SAV1: variants seen among roughly 807,000 people sequenced by gnomAD.
SAV1 encodes protein salvador homolog 1.
SAV1 carries 23 observed loss-of-function variants against 47.3 expected under a neutral mutation model. That is an observed-to-expected ratio of 0.49 (90% CI 0.35 to 0.69). SAV1 has a LOEUF of 0.69. Among genes scored for constraint, SAV1 ranks in the 30% least tolerant of loss-of-function variants. SAV1 has a pLI of 0.01. For missense variants in SAV1, 448 were observed against 457.4 expected, an observed-to-expected ratio of 0.98 and a Z score of 0.19; for synonymous variants, 155 against 159.2, an observed-to-expected ratio of 0.97 and a Z score of 0.20.
At chr14:50,651,397 G>A (rs147744404) in intron 2 of SAV1, among the ~76,000 whole-genome samples, 2 of 152,220 alleles carry the variant, frequency 1.3e-5, no homozygotes, top group African/African-American at 4.8e-5. Flanking sequence ...GAAATGGGGT[G>A]GAAGAGGACA....
chr14:50,661,342 A>G (rs2039858408), intron 2 of SAV1, among the ~76,000 whole-genome samples: 2 of 152,030 alleles, frequency 1.3e-5, no homozygotes, highest in South Asian at 4.1e-4. Flanking sequence ...CATATTCTGG[A>G]TATTAGTCCC....
At chr14:50,643,862 T>C (rs76864857) in intron 3 of SAV1, among the ~76,000 whole-genome samples, 1,601 of 152,350 alleles carry the variant, frequency 0.011, 27 homozygotes, top group African/African-American at 0.035. Context: ...AAACACATTT[T>C]CATAACTATT....
rs1432997347 is a variant in SAV1 at position 50,668,303 on chromosome 14, C to T, written c.-336G>A. The T allele has an allele frequency of 6.0e-6, 1 of 166,012 alleles. No homozygotes were observed. Among genetic ancestry groups the T allele is most frequent in the Non-Finnish European group, 1.3e-5 (1 of 77,534 alleles). The allele number at this position is 166,012 out of a possible 1,614,324, so 10.3% of individuals were successfully genotyped here. The stretch of plus-strand genomic sequence containing the variant: ...CCGCGGGCCGCCGAATAACCGCTAC[C>T]ACTACCGCCGCCGCCGCCTACATCC... On this transcript the variant is annotated 5_prime_UTR_variant, in exon 1 of 5. Transcript: ENST00000324679.
At chr14:50,636,399 G>A (rs1343479993) in intron 4 of SAV1, among the ~76,000 whole-genome samples, 1 of 152,134 alleles carries the variant, frequency 6.6e-6, no homozygotes, top group Non-Finnish European at 1.5e-5. Flanking sequence ...TATTCTTGAG[G>A]CTGAGTACAC....
intron 2 of SAV1, among the ~76,000 whole-genome samples, chr14:50,656,384 A>G (rs1329312585): frequency 6.6e-6 from 1 of 151,960 alleles, no homozygotes; most frequent in Non-Finnish European, 1.5e-5. Context: ...TAAAGCCATG[A>G]TTCCTAAACT....
intron 4 of SAV1, among the ~76,000 whole-genome samples, chr14:50,637,328 A>G (rs2140246796): frequency 6.6e-6 from 1 of 152,338 alleles, no homozygotes; most frequent in East Asian, 1.9e-4. Context: ...AGAAACAGTT[A>G]TAAGGTATTT....
At chr14:50,638,644 CACTGGAATAAAAAAT>C in intron 4 of SAV1, among the ~76,000 whole-genome samples, 1 of 152,250 alleles carries the variant, frequency 6.6e-6, no homozygotes, top group African/African-American at 2.4e-5. Flanking sequence ...ACTGCCAAGC[CACTGGAATAAAAAAT>C]ACCCCTGCCA....
chr14:50,649,631 A>G (rs1214558741), intron 2 of SAV1, among the ~76,000 whole-genome samples: 1 of 152,236 alleles, frequency 6.6e-6, no homozygotes, highest in African/African-American at 2.4e-5. Context: ...ATGTATTATC[A>G]TTGCTGGTGC....
At chr14:50,657,669 AC>A (rs917896390) in intron 2 of SAV1, among the ~76,000 whole-genome samples, 2 of 152,256 alleles carry the variant, frequency 1.3e-5, no homozygotes, top group Non-Finnish European at 2.9e-5. Context: ...GAACAAAATT[AC>A]CTTTCTGTAA....
At chr14:50,643,441 A>G (rs1052815712) in intron 3 of SAV1, among the ~76,000 whole-genome samples, 3 of 152,172 alleles carry the variant, frequency 2.0e-5, no homozygotes, top group South Asian at 2.1e-4. Context: ...ACTGCCACAC[A>G]CTTTTAAACT....
rs985717289 is a variant in SAV1 at position 50,665,016 on chromosome 14, G to T, written c.535+163C>A. ...CACAAGGACTCTTCCATTCAGTGTA[G>T]ATTAACAACTATTTGCACACAGGCT... On this transcript the variant is annotated intron_variant, in intron 2 of 4. Coordinates refer to ENST00000324679, the MANE Select transcript of SAV1 (RefSeq NM_021818.4). The T allele has an allele frequency of 3.4e-6, 3 of 885,578 alleles. No homozygotes were observed. In the African/African-American group the frequency reaches 5.1e-5, roughly 15 times the overall value. The allele number at this position is 885,578 out of a possible 1,614,324, so 54.9% of individuals were successfully genotyped here.
At chr14:50,657,287 C>T (rs2039821248) in intron 2 of SAV1, among the ~76,000 whole-genome samples, 1 of 152,162 alleles carries the variant, frequency 6.6e-6, no homozygotes, top group African/African-American at 2.4e-5. Context: ...CCTGCCTCGG[C>T]CTCCCAAAGT....
intron 4 of SAV1, among the ~76,000 whole-genome samples, chr14:50,636,333 AC>A (rs200809910): frequency 8.6e-6 from 1 of 115,954 alleles, no homozygotes; most frequent in Admixed American, 1.0e-4. Flanking sequence ...ACAACAGCAA[AC>A]AAGGAACCAA....
rs2039923573 is a variant in SAV1, at chr14:50,668,268, C to CCATGGCCCG, written c.-302_-301insCGGGCCATG. 1 of 154,868 alleles carries CCATGGCCCG rather than the reference C, an allele frequency of 6.5e-6. No individual in the cohort carries two copies. Among genetic ancestry groups the CCATGGCCCG allele is most frequent in the African/African-American group, 2.7e-5 (1 of 36,516 alleles). The allele number at this position is 154,868 out of a possible 1,614,324, so 9.6% of individuals were successfully genotyped here. A position where few individuals can be genotyped will look rare whatever the true frequency, so the allele number is the denominator to read the frequency against. ...CAGCGACGCCGGGCCAGGGCCAGGGCCATGGTCCGCCGCGGGCCGCCGAAT... is the reference window on the plus strand; with the variant it reads ...CAGCGACGCCGGGCCAGGGCCAGGGCCATGGCCCGCATGGTCCGCCGCGGGCCGCCGAAT... On this transcript the variant is annotated 5_prime_UTR_variant, in exon 1 of 5. The change creates a new upstream start codon in the 5' untranslated region. Coordinates refer to ENST00000324679, the MANE Select transcript of SAV1 (RefSeq NM_021818.4).
At chr14:50,641,340 A>T (rs914760250) in intron 3 of SAV1, among the ~76,000 whole-genome samples, 1 of 152,080 alleles carries the variant, frequency 6.6e-6, no homozygotes, top group African/African-American at 2.4e-5. Context: ...CCAACTCAAG[A>T]GAACATATGG....
Position 50,668,105 on chromosome 14 carries a change from C to G in SAV1, c.-138G>C, listed in dbSNP as rs1196095469. 2.4e-5 allele frequency: 11 copies of G among 461,958 alleles called. No homozygotes were observed. Among genetic ancestry groups the G allele is most frequent in the Admixed American group, 4.8e-5 (1 of 20,908 alleles). 28.6% of individuals were successfully genotyped at this position (461,958 alleles called of 1,614,324 possible). Reference sequence around the variant, plus strand: ...GCCGCCGCCTCCGCCGCCGCCTGTCCGGAGCCCGGGGTCGCCCGCAGGGAC... The same window carrying G: ...GCCGCCGCCTCCGCCGCCGCCTGTCGGGAGCCCGGGGTCGCCCGCAGGGAC... On this transcript the variant is annotated 5_prime_UTR_variant, in exon 1 of 5. Transcript: ENST00000324679.
At chr14:50,642,610 T>C (rs540684948) in intron 3 of SAV1, among the ~76,000 whole-genome samples, 80 of 152,138 alleles carry the variant, frequency 5.3e-4, no homozygotes, top group Admixed American at 3.8e-3. Context: ...CCTGCACATG[T>C]ACCCCTGAAC....
Position 50,668,306 on chromosome 14 carries a change from T to G in SAV1, c.-339A>C. ...CGGGCCGCCGAATAACCGCTACCAC[T>G]ACCGCCGCCGCCGCCTACATCCCGT... On this transcript the variant is annotated 5_prime_UTR_variant, in exon 1 of 5. Transcript: ENST00000324679. 1 of 156,596 alleles carries G rather than the reference T, an allele frequency of 6.4e-6. No individual in the cohort carries two copies. The highest frequency in any genetic ancestry group is 1.4e-5 in the Non-Finnish European group (1 of 72,350). 9.7% of individuals were successfully genotyped at this position (156,596 alleles called of 1,614,324 possible).
At chr14:50,661,434 C>T (rs185096016) in intron 2 of SAV1, among the ~76,000 whole-genome samples, 4 of 152,276 alleles carry the variant, frequency 2.6e-5, no homozygotes, top group Admixed American at 6.5e-5. Context: ...ACTGTGCAGA[C>T]GCCTTTTGGT....
Sources: allele counts gnomAD v4.1 joint callset (sites outside exome capture counted in the v4.1 genomes callset), GRCh38; gene constraint gnomAD v4.1.1; transcripts MANE v1.5; gene names NCBI Gene and HGNC (gene_info 2026-07-23, HGNC 2026-07-21).